Variants in CALD1 observed in about 807,000 individuals in gnomAD.
The protein encoded by CALD1 is caldesmon 1, also known as caldesmon.
In CALD1, 33 loss-of-function variants were observed where a neutral mutation model predicts 99.9. The ratio of observed to expected loss-of-function variants is 0.33; its 90% CI spans 0.25 to 0.44. CALD1 has a LOEUF of 0.44. CALD1 is among the 20% of genes least tolerant of loss of function. CALD1 has a pLI of 1.00. For missense variants in CALD1, 861 were observed against 962.1 expected (o/e 0.89, Z 1.39); for synonymous variants, 310 against 325.0 (o/e 0.95, Z 0.50).
At chr7:134,743,023 G>A (rs1238665684), upstream of CALD1, among the ~76,000 whole-genome samples, 1 of 152,198 alleles carries the variant, frequency 6.6e-6, no homozygotes, top group Non-Finnish European at 1.5e-5. Context: ...GCCTTTTAAA[G>A]TCAATCTAAG....
chr7:134,738,022 T>A, the CALD1 span, among the ~76,000 whole-genome samples: 361 of 152,376 alleles, frequency 2.4e-3, 2 homozygotes, highest in African/African-American at 8.2e-3. Flanking sequence ...TTCTGTGTCA[T>A]CCTGCTATGC....
the CALD1 span, among the ~76,000 whole-genome samples, chr7:134,718,767 T>C: frequency 2.6e-5 from 4 of 152,184 alleles, no homozygotes; most frequent in Admixed American, 2.6e-4. Flanking sequence ...AAGTCTCATG[T>C]CTTATACTGG....
chr7:134,726,984 A>G, the CALD1 span, among the ~76,000 whole-genome samples: 1 of 152,114 alleles, frequency 6.6e-6, no homozygotes, highest in Non-Finnish European at 1.5e-5. Flanking sequence ...AACCTCCAGA[A>G]ATGTTCCTCC....
At chr7:134,848,770 T>C (rs1375359707) in intron 2 of CALD1, among the ~76,000 whole-genome samples, 3 of 152,230 alleles carry the variant, frequency 2.0e-5, no homozygotes, top group Non-Finnish European at 2.9e-5. Context: ...CATTTGTTAT[T>C]ATGAGAGACT....
At chr7:134,951,045 A>G (rs1807299114) in intron 9 of CALD1, among the ~76,000 whole-genome samples, 1 of 152,240 alleles carries the variant, frequency 6.6e-6, no homozygotes, top group African/African-American at 2.4e-5. Context: ...CCTATTCCTC[A>G]TAGGTGGCAC....
intron 1 of CALD1, among the ~76,000 whole-genome samples, chr7:134,746,539 G>T (rs1282297335): frequency 6.6e-6 from 1 of 152,186 alleles, no homozygotes; most frequent in African/African-American, 2.4e-5. Flanking sequence ...TGGATAATGA[G>T]TAGAGGCTGG....
chr7:134,944,403 T>G (rs868641129), intron 7 of CALD1: 4 of 151,860 alleles, frequency 2.6e-5, no homozygotes, highest in South Asian at 2.1e-4. Context: ...TTTCTGTTTT[T>G]TTTTTTTTTA....
upstream of CALD1, among the ~76,000 whole-genome samples, chr7:134,743,973 T>C (rs923244175): frequency 6.6e-6 from 1 of 152,148 alleles, no homozygotes; most frequent in African/African-American, 2.4e-5. Flanking sequence ...CAATGAAAAA[T>C]AGCCAATCAG....
chr7:134,842,783 C>T (rs1799701549), intron 1 of CALD1, among the ~76,000 whole-genome samples: 1 of 152,114 alleles, frequency 6.6e-6, no homozygotes, highest in Non-Finnish European at 1.5e-5. Context: ...TTTGTTTAAT[C>T]TAGAAAGGTG....
intron 8 of CALD1, 42 bp from the exon 9 acceptor site, chr7:134,950,332 A>T: frequency 1.0e-5 from 16 of 1,605,910 alleles, no homozygotes; most frequent in Non-Finnish European, 1.4e-5. Context: ...TTTGGCTGTG[A>T]AGCTGGTACT....
At chr7:134,832,289 T>A (rs1382520190) in intron 1 of CALD1, among the ~76,000 whole-genome samples, 1 of 152,220 alleles carries the variant, frequency 6.6e-6, no homozygotes, top group Non-Finnish European at 1.5e-5. Context: ...AGATTGTCTC[T>A]TTCTGGCTGC....
chr7:134,809,305 C>T (rs887819673), intron 1 of CALD1, among the ~76,000 whole-genome samples: 8 of 152,154 alleles, frequency 5.3e-5, no homozygotes, highest in East Asian at 1.9e-4. Context: ...CTGAAGCTGA[C>T]GGGTCAGAAC....
chr7:134,844,912 T>C (rs1404708975), intron 2 of CALD1, among the ~76,000 whole-genome samples: 1 of 152,180 alleles, frequency 6.6e-6, no homozygotes, highest in Admixed American at 6.5e-5. Context: ...TTTAACTTAA[T>C]CACTCTTTGA....
At chr7:134,799,661 G>A (rs1797873222) in intron 1 of CALD1, among the ~76,000 whole-genome samples, 1 of 152,174 alleles carries the variant, frequency 6.6e-6, no homozygotes, top group Non-Finnish European at 1.5e-5. Context: ...GACTTTTACA[G>A]AGGTTGATAA....
At chr7:134,712,466 G>C in the CALD1 span, among the ~76,000 whole-genome samples, 1 of 152,106 alleles carries the variant, frequency 6.6e-6, no homozygotes, top group East Asian at 1.9e-4. Flanking sequence ...CTGGATACAC[G>C]CATTGCATGC....
chr7:134,713,228 G>A, the CALD1 span, among the ~76,000 whole-genome samples: 9 of 152,292 alleles, frequency 5.9e-5, no homozygotes, highest in Admixed American at 1.3e-4. Context: ...TCTATTTAAT[G>A]CCTGCCTAGA....
the CALD1 span, among the ~76,000 whole-genome samples, chr7:134,713,843 G>A: frequency 1.3e-5 from 2 of 152,156 alleles, no homozygotes; most frequent in African/African-American, 4.8e-5. Context: ...CCAAACTGCA[G>A]AGAGAAAAAG....
chr7:134,857,158 C>CTTTTTTT lies in CALD1; in HGVS notation c.-41-10514_-41-10508dup, dbSNP rs59210460. On this transcript the variant is annotated intron_variant, in intron 2 of 14. Transcript: ENST00000361675. ...AAAGATCCTATGGTTTTGCGCTATT[C>CTTTTTTT]TTTTTTTTTTTTTTTTTTTTTTTTT... Among the ~76,000 whole-genome samples, 11 of 75,362 alleles carry CTTTTTTT rather than the reference C, an allele frequency of 1.5e-4. 1 individual carries two copies. The highest frequency in any genetic ancestry group is 2.4e-4 in the African/African-American group (5 of 20,642). 49.4% of individuals were successfully genotyped at this position (75,362 alleles called of 152,430 possible).
At chr7:134,922,145 T>C (rs1251119594) in intron 3 of CALD1, among the ~76,000 whole-genome samples, 1 of 152,214 alleles carries the variant, frequency 6.6e-6, no homozygotes, top group Non-Finnish European at 1.5e-5. Context: ...TATTTGGTTA[T>C]CTAGGTAATT....
Sources: allele counts gnomAD v4.1 joint callset (sites outside exome capture counted in the v4.1 genomes callset), GRCh38; gene constraint gnomAD v4.1.1; transcripts MANE v1.5; gene names NCBI Gene and HGNC (gene_info 2026-07-23, HGNC 2026-07-21).